The following KAT6B variants were observed in gnomAD, a reference collection of about 807,000 sequenced individuals.
KAT6B encodes the protein histone acetyltransferase KAT6B.
A neutral mutation model predicts 187.5 loss-of-function variants in KAT6B; 10 were observed. That is an observed-to-expected ratio of 0.05 (90% CI 0.03 to 0.09). KAT6B has a LOEUF of 0.09. Ranked by LOEUF, KAT6B falls within the 10% of genes least tolerant of loss-of-function variation. KAT6B has a pLI of 1.00. For synonymous variants in KAT6B, 861 were observed against 926.8 expected (o/e 0.93, Z 1.29); for missense variants, 1,952 against 2,558.9 (o/e 0.76, Z 5.12).
intron 3 of KAT6B, among the ~76,000 whole-genome samples, chr10:74,945,093 ATAGAGC>A (rs1487873404): frequency 6.6e-6 from 1 of 152,222 alleles, no homozygotes; most frequent in East Asian, 1.9e-4. Flanking sequence ...AAGTTTATTC[ATAGAGC>A]CCCAAACTGT....
chr10:74,913,080 T>C (rs1244883091), intron 3 of KAT6B, among the ~76,000 whole-genome samples: 1 of 152,114 alleles, frequency 6.6e-6, no homozygotes, highest in Non-Finnish European at 1.5e-5. Flanking sequence ...GAGAAAGGGG[T>C]ATGAGTAGTT....
intron 4 of KAT6B, among the ~76,000 whole-genome samples, chr10:74,961,562 G>A (rs1841096897): frequency 6.6e-6 from 1 of 152,140 alleles, no homozygotes; most frequent in African/African-American, 2.4e-5. Flanking sequence ...TTGATAAGAA[G>A]TTCGAGATCA....
rs1475903258 is a variant in KAT6B, at chr10:74,842,789, G to A, written c.-69G>A. The stretch of plus-strand genomic sequence containing the variant: ...TGAATTGTAAATGACTTTCAAATGT[G>A]CAAGTTCTGTTAAATACAAAGAGAA... On this transcript the variant is annotated 5_prime_UTR_variant, in exon 3 of 18. Transcript: ENST00000287239. 1 of 1,543,750 alleles carries A rather than the reference G, an allele frequency of 6.5e-7. No homozygotes were observed.
chr10:74,965,729 CTT>C (rs755126285), intron 4 of KAT6B, among the ~76,000 whole-genome samples: 8 of 141,898 alleles, frequency 5.6e-5, no homozygotes, highest in East Asian at 2.0e-4. Flanking sequence ...GATCCATGTT[CTT>C]TTTTTTTTTT....
At chr10:74,960,110 T>C in intron 4 of KAT6B, 32 bp downstream of exon 4, 1 of 1,267,562 alleles carries the variant, frequency 7.9e-7, no homozygotes, top group South Asian at 1.2e-5. Context: ...TGTTGTACAA[T>C]GACTTCCCAT....
chr10:74,837,190 G>A (rs113908916), intron 1 of KAT6B, among the ~76,000 whole-genome samples: 5 of 152,296 alleles, frequency 3.3e-5, no homozygotes, highest in African/African-American at 7.2e-5. Context: ...TAAAAGCTCA[G>A]TGCTGGACTA....
intron 4 of KAT6B, among the ~76,000 whole-genome samples, chr10:74,964,542 G>GT (rs1335796900): frequency 6.6e-6 from 1 of 152,038 alleles, no homozygotes; most frequent in Admixed American, 6.6e-5. Context: ...GTGGCCCTGT[G>GT]TTTGTTACTT....
rs114204864 is a variant in KAT6B at position 75,001,978 on chromosome 10, G to A, written c.2629+12866G>A. ...TGCATCCCAGCCTCAAGGCCCTGGT[G>A]AGAAACTGTGCTCTCCAGCAAGGGT... On this transcript the variant is annotated intron_variant, in intron 13 of 17. Coordinates refer to ENST00000287239, the MANE Select transcript of KAT6B (RefSeq NM_012330.4). 9.3e-3 allele frequency among the ~76,000 whole-genome samples: 1,420 copies of A among 152,256 alleles called. 24 individuals carry two copies. The highest frequency in any genetic ancestry group is 0.032 in the African/African-American group (1,348 of 41,530).
At chr10:74,886,836 C>T (rs1421723180) in intron 3 of KAT6B, among the ~76,000 whole-genome samples, 1 of 152,162 alleles carries the variant, frequency 6.6e-6, no homozygotes, top group African/African-American at 2.4e-5. Context: ...CTTCACCCTG[C>T]TTGGAGTCAG....
chr10:74,828,724 C>T (rs557800680), intron 1 of KAT6B, among the ~76,000 whole-genome samples: 3 of 151,876 alleles, frequency 2.0e-5, no homozygotes, highest in South Asian at 2.1e-4. Context: ...CCTGCCACCA[C>T]GCCCCGCTAA....
chr10:74,935,475 CTT>C (rs1849200827), intron 3 of KAT6B, among the ~76,000 whole-genome samples: 1 of 151,780 alleles, frequency 6.6e-6, no homozygotes, highest in Non-Finnish European at 1.5e-5. Context: ...ATTTGTAAAA[CTT>C]TTTGTTGAGA....
At chr10:74,905,048 G>C (rs1040237991) in intron 3 of KAT6B, among the ~76,000 whole-genome samples, 3 of 152,058 alleles carry the variant, frequency 2.0e-5, no homozygotes, top group African/African-American at 7.2e-5. Flanking sequence ...AGTGAAGAAG[G>C]GTTTTTATTT....
At chr10:74,923,147 T>C (rs1848258186) in intron 3 of KAT6B, among the ~76,000 whole-genome samples, 1 of 152,196 alleles carries the variant, frequency 6.6e-6, no homozygotes, top group Non-Finnish European at 1.5e-5. Context: ...AAATAGATCT[T>C]AGAGAAGTAA....
chr10:75,025,200 A>G lies in KAT6B; in HGVS notation c.3615A>G (p.Glu1205=). The change falls in exon 17 of 18, where the codon GAA becomes GAG. Residue 1205 remains glutamate (E), a synonymous_variant. Transcript: ENST00000287239. Reference sequence around the variant, plus strand: ...CTGGGAAGAAAAGACAAACAGAGGAAGAGGAAGGAAAAGACAATCATTGCT... The same window carrying G: ...CTGGGAAGAAAAGACAAACAGAGGAGGAGGAAGGAAAAGACAATCATTGCT... ...HQPGKKRQTE[E]EEGKDNHCFK... 2 of 1,614,264 alleles carry G rather than the reference A, an allele frequency of 1.2e-6. No homozygotes were observed. The highest frequency in any genetic ancestry group is 1.7e-6 in the Non-Finnish European group (2 of 1,180,034).
At chr10:74,877,691 T>G (rs765742027) in intron 3 of KAT6B, among the ~76,000 whole-genome samples, 5 of 152,320 alleles carry the variant, frequency 3.3e-5, no homozygotes, top group Non-Finnish European at 7.4e-5. Context: ...GTTCTAAACA[T>G]CCTGGATGCT....
At chr10:74,834,766 T>C (rs537842405) in intron 1 of KAT6B, among the ~76,000 whole-genome samples, 18 of 152,122 alleles carry the variant, frequency 1.2e-4, no homozygotes, top group Non-Finnish European at 2.2e-4. Flanking sequence ...GTAATCCTCC[T>C]TCCTTGACCT....
chr10:74,953,601 G>T (rs1274089556), intron 3 of KAT6B, among the ~76,000 whole-genome samples: 1 of 152,110 alleles, frequency 6.6e-6, no homozygotes, highest in Non-Finnish European at 1.5e-5. Context: ...TACTAAAATG[G>T]TATGTTTTTT....
At chr10:74,829,588 G>A (rs1449268595) in intron 1 of KAT6B, among the ~76,000 whole-genome samples, 1 of 152,004 alleles carries the variant, frequency 6.6e-6, no homozygotes, top group Admixed American at 6.5e-5. Context: ...GGGTAGCTAG[G>A]ATTACAGACA....
rs1456937186 is a variant in KAT6B at position 75,013,686 on chromosome 10, T to C, written c.2630-6896T>C. Reference sequence around the variant, plus strand: ...CATAGCTAACACTTATTAGGATTACTGTGATGCGTCAAGCACTGTTCTGCA... The same window carrying C: ...CATAGCTAACACTTATTAGGATTACCGTGATGCGTCAAGCACTGTTCTGCA... On this transcript the variant is annotated intron_variant, in intron 13 of 17. Coordinates refer to ENST00000287239, the MANE Select transcript of KAT6B (RefSeq NM_012330.4). Among the ~76,000 whole-genome samples, 4 of 152,234 alleles carry C rather than the reference T, an allele frequency of 2.6e-5. No homozygotes were observed. In the East Asian group the frequency reaches 5.8e-4, roughly 22 times the overall value.
Sources: gnomAD v4.1 joint callset for allele counts (sites outside exome capture counted in the v4.1 genomes callset) on GRCh38, gnomAD v4.1.1 for gene constraint, MANE v1.5 for transcripts, NCBI Gene and HGNC (gene_info 2026-07-23, HGNC 2026-07-21) for gene names.